CGN: variants seen among roughly 807,000 people sequenced by gnomAD.
CGN encodes the protein cingulin.
Under a neutral mutation model 157.1 loss-of-function variants are expected in CGN, and 121 were observed. That is an observed-to-expected ratio of 0.77 (90% CI 0.66 to 0.90). The LOEUF (loss-of-function observed/expected upper bound fraction) is 0.90, where lower values mean the gene tolerates loss of function less well. CGN is among the 40% of genes least tolerant of loss of function. CGN has a pLI of 0.00. For synonymous variants in CGN, 535 were observed against 607.5 expected (o/e 0.88, Z 1.76); for missense variants, 1,424 against 1,520.9 (o/e 0.94, Z 1.06).
At position 151,511,504 on chromosome 1, in the gene CGN, A is replaced by G; in HGVS notation, c.-26A>G. On this transcript the variant is annotated 5_prime_UTR_variant, in exon 1 of 21. Transcript: ENST00000271636. This position sits in a 1 kb window ranked among gnomAD's most constrained non-coding sequence, Gnocchi z 4.8. ...CCCGAACGCAAGCCTGGGAGCGCGGAGCCCGGCTAGGGTGAGTGGACCCGG... is the reference window on the plus strand; with the variant it reads ...CCCGAACGCAAGCCTGGGAGCGCGGGGCCCGGCTAGGGTGAGTGGACCCGG... 5.8e-6 allele frequency: 1 copy of G among 171,282 alleles called. No homozygotes were observed. 10.6% of individuals were successfully genotyped at this position (171,282 alleles called of 1,614,324 possible). A position where few individuals can be genotyped will look rare whatever the true frequency, so the allele number is the denominator to read the frequency against.
At position 151,518,836 on chromosome 1, in the gene CGN, C is replaced by T. The variant is rs779242955; in HGVS notation, c.317C>T (p.Ser106Phe). Residue 106 changes from serine to phenylalanine, a missense_variant, in exon 2 of 21, where the codon TCT becomes TTT. Ser to Phe is a radical substitution (Grantham distance 155). Around this residue, in one of 3 missense-constraint regions of CGN, gnomAD observed 1,187 missense variants for 1,217.6 expected, o/e 0.97. Transcript: ENST00000271636. ...SDLELPENPY[S>F]QVKGFPAPSQ... is the part of the protein sequence containing the mutation. ...TTGGAACTCCCTGAGAACCCCTACT[C>T]TCAGGTCAAGGGATTTCCTGCCCCC... is the stretch of plus-strand genomic sequence containing the variant. 14 of 1,613,910 alleles carry T rather than the reference C, an allele frequency of 8.7e-6. 1 individual carries two copies. Among genetic ancestry groups the T allele is most frequent in the Non-Finnish European group, 1.7e-6 (2 of 1,179,960 alleles).
At position 151,519,049 on chromosome 1, in the gene CGN, C is replaced by T. The variant is rs140767773; in HGVS notation, c.530C>T (p.Ser177Leu). 1.4e-5 allele frequency: 22 copies of T among 1,614,054 alleles called. No individual in the cohort carries two copies. Among genetic ancestry groups the T allele is most frequent in the Non-Finnish European group, 1.9e-5 (22 of 1,180,038 alleles). ...ACCATTGACACTGCTCCCCTGTCTT[C>T]AGTGGACTCACTCATCAACAAGTTT... Reference protein sequence around the residue: ...GSTIDTAPLSSVDSLINKFDS... With the variant: ...GSTIDTAPLSLVDSLINKFDS... Residue 177 changes from serine (S) to leucine (L), a missense_variant, in exon 2 of 21, where the codon TCA (serine) becomes TTA (leucine). Transcript: ENST00000271636.
chr1:151,511,500 G>T lies in CGN; in HGVS notation c.-30G>T. ...CGAGCCCGAACGCAAGCCTGGGAGC[G>T]CGGAGCCCGGCTAGGGTGAGTGGAC... On this transcript the variant is annotated 5_prime_UTR_variant, in exon 1 of 21. Coordinates refer to ENST00000271636, the MANE Select transcript of CGN (RefSeq NM_020770.3). The surrounding 1 kb of genome is among the most constrained non-coding windows in gnomAD (Gnocchi z 4.8). The T allele has an allele frequency of 5.7e-6, 1 of 175,276 alleles. No homozygotes were observed. The highest frequency in any genetic ancestry group is 1.0e-4 in the South Asian group (1 of 9,700). 10.9% of individuals were successfully genotyped at this position (175,276 alleles called of 1,614,324 possible).
At position 151,524,973 on chromosome 1, in the gene CGN, G is replaced by C. The variant is rs1271987806; in HGVS notation, c.1614+87G>C. 1 of 1,083,274 alleles carries C rather than the reference G, an allele frequency of 9.2e-7. No individual in the cohort carries two copies. The highest frequency in any genetic ancestry group is 1.4e-6 in the Non-Finnish European group (1 of 740,244). The allele number at this position is 1,083,274 out of a possible 1,614,324, so 67.1% of individuals were successfully genotyped here. A position where few individuals can be genotyped will look rare whatever the true frequency, so the allele number is the denominator to read the frequency against. On this transcript the variant is annotated intron_variant, in intron 8 of 20. Coordinates refer to ENST00000271636, the MANE Select transcript of CGN (RefSeq NM_020770.3). This position sits in a 1 kb window ranked among gnomAD's most constrained non-coding sequence, Gnocchi z 4.4. Reference sequence around the variant, plus strand: ...GATCTTGGACTTTTGGACTTTTCATGGTTGCAACTGGGAACTCCCCCTCTC... The same window carrying C: ...GATCTTGGACTTTTGGACTTTTCATCGTTGCAACTGGGAACTCCCCCTCTC...
At position 151,530,723 on chromosome 1, in the gene CGN, A is replaced by G. The variant is rs755259093; in HGVS notation, c.2548A>G (p.Thr850Ala). The G allele has an allele frequency of 6.4e-7, 1 of 1,552,744 alleles. No homozygotes were observed. Among genetic ancestry groups the G allele is most frequent in the African/African-American group, 1.4e-5 (1 of 73,222 alleles). Reference protein sequence around the residue: ...LEEQKRLLDRTVDRLNKELEK... With the variant: ...LEEQKRLLDRAVDRLNKELEK... Reference sequence around the variant, plus strand: ...GGAGCAGAAGCGTTTGCTGGACAGGACTGTGGACCGACTGAACAAGGAGGT... The same window carrying G: ...GGAGCAGAAGCGTTTGCTGGACAGGGCTGTGGACCGACTGAACAAGGAGGT... The change falls in exon 13 of 21, where the codon ACT becomes GCT. Residue 850 changes from threonine to alanine, a missense_variant. Transcript: ENST00000271636.
chr1:151,535,457 TA>T, intron 16 of CGN, 142 bp from the exon 17 acceptor site: 2 of 692,786 alleles, frequency 2.9e-6, no homozygotes, highest in Non-Finnish European at 5.1e-6. Flanking sequence ...CCCATTTGAA[TA>T]GGCTGTGATT....
At chr1:151,520,318 C>G in intron 3 of CGN, 52 bp downstream of exon 3, 1 of 1,570,724 alleles carries the variant, frequency 6.4e-7, no homozygotes, top group Non-Finnish European at 8.8e-7. Context: ...TCTTTTTCTT[C>G]TAGCTTTGTT....
chr1:151,517,397 A>G (rs1255328493), intron 1 of CGN, among the ~76,000 whole-genome samples: 26 of 152,040 alleles, frequency 1.7e-4, no homozygotes, highest in Admixed American at 1.6e-3. Flanking sequence ...TATATTTTAA[A>G]TGAGCTCTGG....
intron 14 of CGN, 138 bp downstream of exon 14, chr1:151,532,710 C>T (rs1038967562): frequency 3.3e-6 from 2 of 606,736 alleles, no homozygotes; most frequent in African/African-American, 3.9e-5. Context: ...AGCTCTGCCT[C>T]CGGGGTTCAC....
rs1664471177 is a variant in CGN, at chr1:151,518,829, C to T, written c.310C>T (p.Pro104Ser). Residue 104 changes from proline to serine, a missense_variant, in exon 2 of 21, where the codon CCC becomes TCC. Physicochemically the swap from Pro to Ser is moderately conservative, Grantham distance 74. This residue lies in a region of CGN where 1,187 missense variants were observed against 1,217.6 expected (regional missense o/e 0.97). Coordinates refer to ENST00000271636, the MANE Select transcript of CGN (RefSeq NM_020770.3). Reference protein sequence around the residue: ...LSSDLELPENPYSQVKGFPAP... With the variant: ...LSSDLELPENSYSQVKGFPAP... Reference sequence around the variant, plus strand: ...CTCAGATTTGGAACTCCCTGAGAACCCCTACTCTCAGGTCAAGGGATTTCC... The same window carrying T: ...CTCAGATTTGGAACTCCCTGAGAACTCCTACTCTCAGGTCAAGGGATTTCC... 6.2e-7 allele frequency: 1 copy of T among 1,614,016 alleles called. No homozygotes were observed.
In CGN at chr1:151,524,610, T is replaced by C; in HGVS notation, c.1402-64T>C. The C allele has an allele frequency of 7.1e-7, 1 of 1,416,252 alleles. No homozygotes were observed. The highest frequency in any genetic ancestry group is 9.7e-7 in the Non-Finnish European group (1 of 1,032,938). 87.7% of individuals were successfully genotyped at this position (1,416,252 alleles called of 1,614,324 possible). ...ATACGATAAATATTTTTTGACTCAG[T>C]GAATTGATAAACAGATGGATTCTAA... On this transcript the variant is annotated intron_variant, in intron 7 of 20. Coordinates refer to ENST00000271636, the MANE Select transcript of CGN (RefSeq NM_020770.3). This position sits in a 1 kb window ranked among gnomAD's most constrained non-coding sequence, Gnocchi z 4.4.
At position 151,529,577 on chromosome 1, in the gene CGN, A is replaced by G; in HGVS notation, c.2106+18A>G. On this transcript the variant is annotated intron_variant, in intron 11 of 20. Transcript: ENST00000271636. ...CTTCCAAGGCAAGGGGAGTGGGCAC[A>G]GGGCTTAGGAGGTGGAGGCTGAGGG... 2.5e-6 allele frequency: 4 copies of G among 1,601,672 alleles called. No individual in the cohort carries two copies. The highest frequency in any genetic ancestry group is 3.4e-6 in the Non-Finnish European group (4 of 1,171,438).
chr1:151,535,908 G>A lies in CGN; in HGVS notation c.3197+10G>A. The A allele has an allele frequency of 6.3e-7, 1 of 1,597,220 alleles. No individual in the cohort carries two copies. The highest frequency in any genetic ancestry group is 8.6e-7 in the Non-Finnish European group (1 of 1,166,024). On this transcript the variant is annotated intron_variant, in intron 18 of 20. Coordinates refer to ENST00000271636, the MANE Select transcript of CGN (RefSeq NM_020770.3). ...TACAGGCTGAAGAGAGGTGACATAA[G>A]CCTATCCTTCCTCCCTTCCTCCCTC...
chr1:151,519,033 A>G lies in CGN; in HGVS notation c.514A>G (p.Thr172Ala). The G allele has an allele frequency of 6.2e-7, 1 of 1,614,114 alleles. No individual in the cohort carries two copies. ...KVASPGSTID[T>A]APLSSVDSLI... is the part of the protein sequence containing the mutation. Reference sequence around the variant, plus strand: ...GGCTTCCCCAGGTAGCACCATTGACACTGCTCCCCTGTCTTCAGTGGACTC... The same window carrying G: ...GGCTTCCCCAGGTAGCACCATTGACGCTGCTCCCCTGTCTTCAGTGGACTC... The change falls in exon 2 of 21, where the codon ACT (threonine) becomes GCT (alanine). Residue 172 changes from threonine to alanine, a missense_variant. This residue lies in a region of CGN where 1,187 missense variants were observed against 1,217.6 expected (regional missense o/e 0.97). Coordinates refer to ENST00000271636, the MANE Select transcript of CGN (RefSeq NM_020770.3).
At chr1:151,513,419 G>A (rs72997937) in intron 1 of CGN, among the ~76,000 whole-genome samples, 3,474 of 152,154 alleles carry the variant, frequency 0.023, 135 homozygotes, top group African/African-American at 0.08. Flanking sequence ...TTGGATCCAC[G>A]GGGAACCTTC....
At position 151,536,802 on chromosome 1, in the gene CGN, C is replaced by A. The variant is rs1664978926; in HGVS notation, c.3379C>A (p.Leu1127Met). The A allele has an allele frequency of 6.2e-7, 1 of 1,614,008 alleles. No homozygotes were observed. The highest frequency in any genetic ancestry group is 1.7e-5 in the Admixed American group (1 of 60,002). The change falls in exon 20 of 21, where the codon CTG (leucine) becomes ATG (methionine). Residue 1127 changes from leucine to methionine, a missense_variant. Leu to Met is a conservative substitution (Grantham distance 15). Coordinates refer to ENST00000271636, the MANE Select transcript of CGN (RefSeq NM_020770.3). ...AGAGGAAATTGAGCGACTGGACGGC[C>A]TGAGGAAGAAGGCCCAGCGTGAGGT... ...AEEEIERLDGLRKKAQREVEE... is the reference protein window; with the variant it reads ...AEEEIERLDGMRKKAQREVEE...
At position 151,534,107 on chromosome 1, in the gene CGN, G is replaced by A. The variant is rs769053104; in HGVS notation, c.2875G>A (p.Asp959Asn). ...AGAGAACAAGAAGCGTTCCCAGGAC[G>A]ACAGGGCCCGGCAGCTGAAGGGTCT... ...EAENKKRSQD[D>N]RARQLKGLEE... Residue 959 changes from aspartate (D) to asparagine (N), a missense_variant, in exon 15 of 21, where the codon GAC (aspartate) becomes AAC (asparagine). Physicochemically the swap from Asp to Asn is conservative, Grantham distance 23. Coordinates refer to ENST00000271636, the MANE Select transcript of CGN (RefSeq NM_020770.3). The A allele has an allele frequency of 1.6e-5, 26 of 1,604,004 alleles. No homozygotes were observed. Among genetic ancestry groups the A allele is most frequent in the Middle Eastern group, 3.3e-4 (2 of 6,056 alleles).
In CGN at chr1:151,534,011, G is replaced by A. The variant is rs770086472; in HGVS notation, c.2779G>A (p.Ala927Thr). The A allele has an allele frequency of 2.5e-6, 4 of 1,612,628 alleles. No individual in the cohort carries two copies. The change falls in exon 15 of 21, where the codon GCT becomes ACT. Residue 927 changes from alanine to threonine, a missense_variant. Ala to Thr is a moderately conservative substitution (Grantham distance 58). Around this residue, in one of 3 missense-constraint regions of CGN, gnomAD observed 1,187 missense variants for 1,217.6 expected, o/e 0.97. Transcript: ENST00000271636. ...GCGGCAGGCCCTGCAGGCATCCCAG[G>A]CTGAGCGGGACACAGCCCGGCTGGA... Reference protein sequence around the residue: ...RLRQALQASQAERDTARLDKE... With the variant: ...RLRQALQASQTERDTARLDKE...
At chr1:151,514,723 A>G (rs1664370603) in intron 1 of CGN, among the ~76,000 whole-genome samples, 1 of 152,118 alleles carries the variant, frequency 6.6e-6, no homozygotes, top group South Asian at 2.1e-4. Flanking sequence ...AAACCTGCTG[A>G]AGGACAACTA....
Sources: gnomAD v4.1 joint callset for allele counts (sites outside exome capture counted in the v4.1 genomes callset) on GRCh38, gnomAD v4.1.1 for gene constraint, gnomAD v4.1.1 regional missense constraint, Gnocchi (gnomAD v3.1) non-coding constraint, MANE v1.5 for transcripts, NCBI Gene and HGNC (gene_info 2026-07-23, HGNC 2026-07-21) for gene names.